The following SELENOF variants were observed in gnomAD, a reference collection of about 807,000 sequenced individuals.
The protein encoded by SELENOF is 15 kDa selenoprotein.
Under a neutral mutation model 20.5 loss-of-function variants are expected in SELENOF, and 16 were observed. That is an observed-to-expected ratio of 0.78 (90% CI 0.53 to 1.19). The LOEUF (loss-of-function observed/expected upper bound fraction) is 1.19. SELENOF is among the 50% of genes most tolerant of loss of function. The pLI is 0.00. For synonymous variants in SELENOF, 78 were observed against 74.5 expected (o/e 1.05, Z -0.24); for missense variants, 215 against 194.2 (o/e 1.11, Z -0.64).
intron 4 of SELENOF, among the ~76,000 whole-genome samples, chr1:86,866,165 C>T (rs1394118618): frequency 7.0e-6 from 1 of 141,868 alleles, no homozygotes; most frequent in African/African-American, 2.7e-5. Context: ...TCACTGCCTT[C>T]CAGCCTGGGT....
chr1:86,887,979 G>A (rs567371275), intron 2 of SELENOF, among the ~76,000 whole-genome samples: 10 of 152,184 alleles, frequency 6.6e-5, no homozygotes, highest in African/African-American at 1.2e-4. Context: ...GACTCAAAGC[G>A]GCCAGGCGCG....
At chr1:86,896,321 T>A (rs1659524578) in intron 2 of SELENOF, among the ~76,000 whole-genome samples, 1 of 151,720 alleles carries the variant, frequency 6.6e-6, no homozygotes, top group South Asian at 2.1e-4. Context: ...TCAAAGCAGC[T>A]GAAATCATTA....
chr1:86,909,788 A>G (rs1408449723), intron 1 of SELENOF, among the ~76,000 whole-genome samples: 1 of 152,006 alleles, frequency 6.6e-6, no homozygotes, highest in Non-Finnish European at 1.5e-5. Flanking sequence ...GGTGGATCAC[A>G]GGGTCAGGAG....
chr1:86,887,848 G>A (rs1414380181), intron 2 of SELENOF, among the ~76,000 whole-genome samples: 3 of 152,066 alleles, frequency 2.0e-5, no homozygotes, highest in African/African-American at 7.2e-5. Flanking sequence ...CTTGGGAACA[G>A]TGCATTCAGT....
intron 3 of SELENOF, among the ~76,000 whole-genome samples, chr1:86,878,443 G>A (rs1298482425): frequency 6.6e-6 from 1 of 152,144 alleles, no homozygotes; most frequent in East Asian, 1.9e-4. Context: ...GCATTGGGAG[G>A]CCAAGGCAGG....
chr1:86,885,794 A>G (rs758668417), intron 2 of SELENOF, among the ~76,000 whole-genome samples: 10 of 152,220 alleles, frequency 6.6e-5, no homozygotes, highest in Admixed American at 3.3e-4. Context: ...TACAAGCAGT[A>G]TGCCCCCTTG....
intron 3 of SELENOF, among the ~76,000 whole-genome samples, chr1:86,875,662 A>G (rs1658906919): frequency 6.6e-6 from 1 of 152,202 alleles, no homozygotes. Context: ...AAAAAACAGA[A>G]CACAAACTTT....
At chr1:86,868,271 C>T (rs1658665764) in intron 3 of SELENOF, among the ~76,000 whole-genome samples, 169 bp from the exon 4 acceptor site, 1 of 152,018 alleles carries the variant, frequency 6.6e-6, no homozygotes, top group Non-Finnish European at 1.5e-5. Flanking sequence ...CCATATTCTC[C>T]AATATTTTAA....
At chr1:86,906,196 TG>T (rs1659822909) in intron 1 of SELENOF, among the ~76,000 whole-genome samples, 1 of 150,986 alleles carries the variant, frequency 6.6e-6, no homozygotes, top group Non-Finnish European at 1.5e-5. Context: ...TTGGTTAATT[TG>T]TGTGTTTGAT....
intron 3 of SELENOF, among the ~76,000 whole-genome samples, chr1:86,872,541 T>G (rs1050129509): frequency 1.3e-5 from 2 of 151,810 alleles, no homozygotes; most frequent in African/African-American, 4.8e-5. Context: ...GCTAATGTTT[T>G]TTTTTTTTTT....
chr1:86,880,248 G>A (rs898638394), intron 3 of SELENOF, among the ~76,000 whole-genome samples: 6 of 151,360 alleles, frequency 4.0e-5, no homozygotes, highest in Non-Finnish European at 8.8e-5. Flanking sequence ...TGATTCTCCC[G>A]CCTCCGCCTC....
intron 2 of SELENOF, among the ~76,000 whole-genome samples, chr1:86,888,862 G>A (rs1659303430): frequency 1.3e-5 from 2 of 152,064 alleles, no homozygotes; most frequent in South Asian, 4.2e-4. Flanking sequence ...GGCCAGGCTA[G>A]TCTTGAAATC....
chr1:86,909,365 T>A (rs1267480161), intron 1 of SELENOF, among the ~76,000 whole-genome samples: 1 of 152,196 alleles, frequency 6.6e-6, no homozygotes, highest in East Asian at 1.9e-4. Context: ...AACAGTTCAA[T>A]AAGGGTGAAT....
chr1:86,890,625 T>A (rs1175248876), intron 2 of SELENOF, among the ~76,000 whole-genome samples: 1 of 151,492 alleles, frequency 6.6e-6, no homozygotes, highest in African/African-American at 2.4e-5. Context: ...CCCAAATAGC[T>A]AGGACCACAG....
intron 3 of SELENOF, among the ~76,000 whole-genome samples, chr1:86,875,875 T>C (rs1658912018): frequency 6.6e-6 from 1 of 152,206 alleles, no homozygotes; most frequent in Non-Finnish European, 1.5e-5. Flanking sequence ...GAATATTCAG[T>C]GTGTGCAAAC....
intron 2 of SELENOF, among the ~76,000 whole-genome samples, chr1:86,901,473 T>C (rs770331859): frequency 6.7e-6 from 1 of 150,366 alleles, no homozygotes; most frequent in Non-Finnish European, 1.5e-5. Context: ...TGCTAGTCAA[T>C]GCTAATAAAA....
intron 2 of SELENOF, among the ~76,000 whole-genome samples, chr1:86,889,326 T>C (rs1659317753): frequency 6.6e-6 from 1 of 152,154 alleles, no homozygotes; most frequent in East Asian, 1.9e-4. Context: ...CTGGGCGCGG[T>C]GGCTCAGGTC....
chr1:86,863,311 T>C lies in SELENOF; in HGVS notation c.*163A>G. ...GGTTTTGTTAAGCTTGCCAACTCCT[T>C]AGATATCATGGACTATACTGCCATT... is the stretch of plus-strand genomic sequence containing the variant. On this transcript the variant is annotated 3_prime_UTR_variant, in exon 5 of 5. Coordinates refer to ENST00000331835, the MANE Select transcript of SELENOF (RefSeq NM_004261.5). The C allele has an allele frequency of 1.8e-6, 1 of 542,732 alleles. No homozygotes were observed. Among genetic ancestry groups the C allele is most frequent in the South Asian group, 3.6e-5 (1 of 27,762 alleles). The allele number at this position is 542,732 out of a possible 1,614,324, so 33.6% of individuals were successfully genotyped here.
intron 1 of SELENOF, among the ~76,000 whole-genome samples, chr1:86,904,869 G>A (rs1368330074): frequency 1.3e-5 from 2 of 151,802 alleles, no homozygotes; most frequent in African/African-American, 4.8e-5. Context: ...TCTGTTTTTG[G>A]CTCTCTCTTA....
Sources: allele counts gnomAD v4.1 joint callset (sites outside exome capture counted in the v4.1 genomes callset), GRCh38; gene constraint gnomAD v4.1.1; transcripts MANE v1.5; gene names NCBI Gene and HGNC (gene_info 2026-07-23, HGNC 2026-07-21).